MND1: variants seen among roughly 807,000 people sequenced by gnomAD.
MND1 encodes meiotic nuclear division protein 1 homolog.
In MND1, 28 loss-of-function variants were observed where a neutral mutation model predicts 35.1. The observed-to-expected ratio is 0.80, with a 90% CI of 0.59 to 1.09. The LOEUF is 1.09. MND1 is among the 50% of genes least tolerant of loss of function. MND1 has a pLI of 0.00. For missense variants in MND1, 213 were observed against 239.6 expected (o/e 0.89, Z 0.73); for synonymous variants, 69 against 70.5 (o/e 0.98, Z 0.11).
chr4:153,392,015 CA>C (rs894813316), intron 4 of MND1, among the ~76,000 whole-genome samples: 33 of 149,976 alleles, frequency 2.2e-4, no homozygotes, highest in Admixed American at 2.0e-3. Context: ...GAATTTTAAG[CA>C]AAAAAAGGGT....
chr4:153,408,593 A>T (rs1171847915), intron 6 of MND1, among the ~76,000 whole-genome samples: 1 of 151,994 alleles, frequency 6.6e-6, no homozygotes, highest in Non-Finnish European at 1.5e-5. Context: ...CTTATCGTTA[A>T]ATTTAACTTA....
chr4:153,408,437 A>G (rs1231084931), intron 6 of MND1, among the ~76,000 whole-genome samples: 1 of 152,188 alleles, frequency 6.6e-6, no homozygotes, highest in African/African-American at 2.4e-5. Flanking sequence ...CTCGAAGTAC[A>G]TAATATACAT....
chr4:153,408,916 A>ATATATATATAAATACATTTCATTT, intron 6 of MND1, 55 bp from the exon 7 acceptor site: 1 of 416,034 alleles, frequency 2.4e-6, no homozygotes, highest in Non-Finnish European at 3.7e-6. Context: ...TTGTGTGTAT[A>ATATATATATAAATACATTTCATTT]TATATATATA....
chr4:153,390,803 G>A (rs1391345560), intron 4 of MND1, among the ~76,000 whole-genome samples: 8 of 151,838 alleles, frequency 5.3e-5, no homozygotes, highest in African/African-American at 1.7e-4. Context: ...AGCCAAGTTC[G>A]GGCCACTGCA....
chr4:153,401,714 A>G (rs574758025), intron 6 of MND1, among the ~76,000 whole-genome samples: 51 of 152,234 alleles, frequency 3.4e-4, no homozygotes, highest in African/African-American at 1.1e-3. Flanking sequence ...CCCATATTAT[A>G]TTGCTCAGGC....
chr4:153,375,037 T>C (rs1728461510), intron 4 of MND1, among the ~76,000 whole-genome samples: 1 of 152,182 alleles, frequency 6.6e-6, no homozygotes, highest in African/African-American at 2.4e-5. Flanking sequence ...AATTAACTTA[T>C]TGGAAAAAGT....
rs1423445643 is a variant in MND1 at position 153,362,927 on chromosome 4, C to T, written c.276+4305C>T. 5.1e-6 allele frequency: 4 copies of T among 787,364 alleles called. No individual in the cohort carries two copies. The East Asian group carries it at 5.1e-4, about 100-fold the overall frequency. The allele number at this position is 787,364 out of a possible 1,614,324, so 48.8% of individuals were successfully genotyped here. A position where few individuals can be genotyped will look rare whatever the true frequency, so the allele number is the denominator to read the frequency against. On this transcript the variant is annotated intron_variant, in intron 4 of 7. Coordinates refer to ENST00000240488, the MANE Select transcript of MND1 (RefSeq NM_032117.4). ...CATGTTTTATACAGGATGAGTACTGCATAAAATTTAGTATGCATGTCTATA... is the reference window on the plus strand; with the variant it reads ...CATGTTTTATACAGGATGAGTACTGTATAAAATTTAGTATGCATGTCTATA...
At chr4:153,354,627 C>T (rs75872033) in intron 2 of MND1, among the ~76,000 whole-genome samples, 2,613 of 152,184 alleles carry the variant, frequency 0.017, 71 homozygotes, top group African/African-American at 0.057. Flanking sequence ...CTCAGCCTCC[C>T]ATGTATCTAG....
intron 7 of MND1, among the ~76,000 whole-genome samples, chr4:153,413,003 T>A (rs1729731645): frequency 6.6e-6 from 1 of 152,044 alleles, no homozygotes; most frequent in Admixed American, 6.6e-5. Context: ...GACAGGATTT[T>A]ACTATGTCGG....
At chr4:153,353,916 T>G (rs532651027) in intron 2 of MND1, among the ~76,000 whole-genome samples, 12 of 152,264 alleles carry the variant, frequency 7.9e-5, no homozygotes, top group African/African-American at 2.9e-4. Flanking sequence ...AACAGAGTTT[T>G]GCCATGTTGG....
intron 5 of MND1, among the ~76,000 whole-genome samples, chr4:153,395,173 T>C (rs1447623131): frequency 1.3e-5 from 2 of 152,270 alleles, no homozygotes; most frequent in African/African-American, 2.4e-5. Flanking sequence ...AATAGTCATT[T>C]CTGAAGAATA....
intron 4 of MND1, chr4:153,363,025 G>A: frequency 1.0e-6 from 1 of 985,254 alleles, no homozygotes; most frequent in Non-Finnish European, 1.2e-6. Context: ...GCAAGATGGA[G>A]GTAAGCTCCT....
At position 153,411,841 on chromosome 4, in the gene MND1, T is replaced by C. The variant is rs1266820799; in HGVS notation, c.511+2826T>C. Among the ~76,000 whole-genome samples the C allele has an allele frequency of 2.6e-5, 4 of 152,218 alleles. No individual in the cohort carries two copies. In the East Asian group the frequency reaches 7.7e-4, roughly 29 times the overall value. The stretch of plus-strand genomic sequence containing the variant: ...TTTCTCTCTGAGACACCTATCACTT[T>C]GTAATTGTTTAGTAATAAATTATTT... On this transcript the variant is annotated intron_variant, in intron 7 of 7. Coordinates refer to ENST00000240488, the MANE Select transcript of MND1 (RefSeq NM_032117.4).
intron 6 of MND1, among the ~76,000 whole-genome samples, chr4:153,403,271 A>C (rs1013273915): frequency 3.9e-5 from 6 of 152,236 alleles, no homozygotes; most frequent in Non-Finnish European, 7.3e-5. Context: ...CCCCACATCT[A>C]GCTGACCTTG....
chr4:153,398,370 A>G (rs1379914872), intron 6 of MND1, among the ~76,000 whole-genome samples: 4 of 152,234 alleles, frequency 2.6e-5, no homozygotes, highest in Non-Finnish European at 5.9e-5. Flanking sequence ...GAAATGGAAA[A>G]TATTTGGTAT....
Position 153,415,095 on chromosome 4 carries a change from C to T in MND1, c.*238C>T, listed in dbSNP as rs766758969. The T allele has an allele frequency of 3.6e-6, 1 of 276,122 alleles. No homozygotes were observed. Among genetic ancestry groups the T allele is most frequent in the Non-Finnish European group, 6.8e-6 (1 of 147,302 alleles). The allele number at this position is 276,122 out of a possible 1,614,324, so 17.1% of individuals were successfully genotyped here. A position where few individuals can be genotyped will look rare whatever the true frequency, so the allele number is the denominator to read the frequency against. ...ACAATAAAAATCCATCCATCTCAGT[C>T]CAGGCAGATTTACAAATGATTTTTT... On this transcript the variant is annotated 3_prime_UTR_variant, in exon 8 of 8. Transcript: ENST00000240488.
At chr4:153,355,790 C>A in intron 3 of MND1, 79 bp downstream of exon 3, 1 of 902,334 alleles carries the variant, frequency 1.1e-6, no homozygotes, top group South Asian at 1.5e-5. Flanking sequence ...TTCATTAAGT[C>A]ATCTTTTCTG....
chr4:153,366,357 C>G (rs1370282553), intron 4 of MND1, among the ~76,000 whole-genome samples: 1 of 152,160 alleles, frequency 6.6e-6, no homozygotes, highest in Admixed American at 6.5e-5. Flanking sequence ...CATTATTTAA[C>G]CTACCACAGC....
At chr4:153,391,223 G>A (rs548643752) in intron 4 of MND1, among the ~76,000 whole-genome samples, 1 of 151,832 alleles carries the variant, frequency 6.6e-6, no homozygotes, top group African/African-American at 2.4e-5. Flanking sequence ...GAGCACAGTG[G>A]TGCGGTCTCA....
Sources: gnomAD v4.1 joint callset for allele counts (sites outside exome capture counted in the v4.1 genomes callset) on GRCh38, gnomAD v4.1.1 for gene constraint, MANE v1.5 for transcripts, NCBI Gene and HGNC (gene_info 2026-07-23, HGNC 2026-07-21) for gene names.